The following HNRNPC variants were observed in gnomAD, a reference collection of about 807,000 sequenced individuals.
HNRNPC encodes heterogeneous nuclear ribonucleoprotein C.
In HNRNPC, 3 loss-of-function variants were observed where a neutral mutation model predicts 33.2. The observed-to-expected ratio is 0.09, with a 90% CI of 0.04 to 0.23. The LOEUF is 0.23. Ranked by LOEUF, HNRNPC falls within the 10% of genes least tolerant of loss-of-function variation. The pLI is 1.00. For missense variants in HNRNPC, 143 were observed against 366.7 expected (o/e 0.39, Z 4.98); for synonymous variants, 121 against 126.7 (o/e 0.96, Z 0.30).
intron 2 of HNRNPC, among the ~76,000 whole-genome samples, chr14:21,244,546 T>A (rs1392836907): frequency 6.6e-6 from 1 of 152,234 alleles, no homozygotes; most frequent in Non-Finnish European, 1.5e-5. Context: ...TCTAATGATA[T>A]ACGATTCTAA....
chr14:21,235,825 T>A (rs368550231), intron 2 of HNRNPC, among the ~76,000 whole-genome samples: 2 of 152,030 alleles, frequency 1.3e-5, no homozygotes, highest in African/African-American at 4.8e-5. Context: ...GGTTTATCAA[T>A]AGAAAATATA....
chr14:21,250,352 T>C (rs796229776), intron 2 of HNRNPC, among the ~76,000 whole-genome samples: 5 of 152,262 alleles, frequency 3.3e-5, no homozygotes, highest in African/African-American at 1.2e-4. Context: ...AAATGAAACA[T>C]GGCAATCCTG....
intron 1 of HNRNPC, chr14:21,264,412 G>A (rs1204867649): frequency 1.3e-5 from 2 of 152,000 alleles, no homozygotes; most frequent in Admixed American, 1.3e-4. Flanking sequence ...CTGACAAAAC[G>A]AAAATACAGA....
chr14:21,257,437 G>A (rs1340796277), intron 2 of HNRNPC, among the ~76,000 whole-genome samples: 1 of 151,914 alleles, frequency 6.6e-6, no homozygotes, highest in Admixed American at 6.6e-5. Flanking sequence ...GAACCAACAG[G>A]TCAAGTGAGA....
chr14:21,237,781 T>A (rs947547412), intron 2 of HNRNPC, among the ~76,000 whole-genome samples: 11 of 152,222 alleles, frequency 7.2e-5, no homozygotes, highest in South Asian at 2.1e-4. Context: ...ATTTTTTTTT[T>A]AATTTTTTTG....
chr14:21,242,565 C>T (rs576027633), intron 2 of HNRNPC, among the ~76,000 whole-genome samples: 11 of 152,182 alleles, frequency 7.2e-5, no homozygotes, highest in South Asian at 2.1e-4. Context: ...AGAGTACTGT[C>T]GATGTATGCT....
chr14:21,213,523 T>A (rs1163444152), intron 5 of HNRNPC: 1 of 162,956 alleles, frequency 6.1e-6, no homozygotes, highest in Non-Finnish European at 1.3e-5. Context: ...CAAATACTCT[T>A]TAAAATGTTC....
At chr14:21,234,385 T>C (rs763528820) in intron 2 of HNRNPC, 156 bp from the exon 3 acceptor site, 4 of 567,890 alleles carry the variant, frequency 7.0e-6, no homozygotes, top group Non-Finnish European at 1.2e-5. Context: ...TGCTAATAAT[T>C]TCAGAGACTC....
At chr14:21,268,883 T>G (rs770840912) in intron 1 of HNRNPC, among the ~76,000 whole-genome samples, 2 of 152,244 alleles carry the variant, frequency 1.3e-5, no homozygotes, top group South Asian at 2.1e-4. Context: ...ATACATCTAC[T>G]TGGTAACCTT....
At chr14:21,234,963 C>A (rs4982433) in intron 2 of HNRNPC, 1 of 151,648 alleles carries the variant, frequency 6.6e-6, no homozygotes, top group Non-Finnish European at 1.5e-5. Context: ...TTAATAATAT[C>A]GGATGGTGAT....
Position 21,213,070 on chromosome 14 carries a change from C to T in HNRNPC, c.413G>A (p.Arg138Gln), listed in dbSNP as rs1891792014. ...ARVPPPPPIA[R>Q]AVVPSKRQRV... ...CTGACGTTTCGAGGGCACTACAGCC[C>T]GAGCAATAGGAGGAGGAGGAGGTAC... is the stretch of plus-strand genomic sequence containing the variant. The change falls in exon 6 of 9, where the codon CGG (arginine) becomes CAG (glutamine). Residue 138 changes from arginine to glutamine, a missense_variant. Around this residue, in one of 2 missense-constraint regions of HNRNPC, gnomAD observed 131 missense variants for 253.0 expected, o/e 0.52. Coordinates refer to ENST00000553300, the MANE Select transcript of HNRNPC (RefSeq NM_004500.4). The T allele has an allele frequency of 6.2e-7, 1 of 1,613,966 alleles. No homozygotes were observed. Among genetic ancestry groups the T allele is most frequent in the Non-Finnish European group, 8.5e-7 (1 of 1,179,936 alleles).
intron 2 of HNRNPC, among the ~76,000 whole-genome samples, chr14:21,253,888 TCC>T (rs1414395672): frequency 2.6e-5 from 4 of 151,278 alleles, no homozygotes; most frequent in African/African-American, 9.7e-5. Context: ...ACACGGTGAA[TCC>T]CCGTCTCTAC....
Position 21,234,235 on chromosome 14 carries a change from A to T in HNRNPC, c.-36-6T>A. On this transcript the variant is annotated splice_region_variant and splice_polypyrimidine_tract_variant and intron_variant, in intron 2 of 8. Coordinates refer to ENST00000553300, the MANE Select transcript of HNRNPC (RefSeq NM_004500.4). The stretch of plus-strand genomic sequence containing the variant: ...GTTTCTCACAAAGCCGAAAACTGTA[A>T]AGCAAAAAAAAGTATACAGGTGAAC... The T allele has an allele frequency of 1.9e-6, 3 of 1,547,872 alleles. No homozygotes were observed. Among genetic ancestry groups the T allele is most frequent in the Non-Finnish European group, 2.7e-6 (3 of 1,127,326 alleles).
At chr14:21,263,116 C>T (rs903391695) in intron 2 of HNRNPC, 195 bp downstream of exon 2, 3 of 151,978 alleles carry the variant, frequency 2.0e-5, no homozygotes, top group Middle Eastern at 3.4e-3. Context: ...ATCAGGAGGC[C>T]GGAGAAATTC....
chr14:21,250,620 A>G (rs1001756700), intron 2 of HNRNPC, among the ~76,000 whole-genome samples: 4 of 146,302 alleles, frequency 2.7e-5, no homozygotes, highest in South Asian at 2.1e-4. Context: ...GAAATTTTTA[A>G]TTCTGTTTGT....
chr14:21,220,904 TG>T (rs1435505854), intron 5 of HNRNPC, among the ~76,000 whole-genome samples: 1 of 151,198 alleles, frequency 6.6e-6, no homozygotes, highest in Non-Finnish European at 1.5e-5. Flanking sequence ...CTGGGCAACA[TG>T]GTGAAACCCC....
At chr14:21,243,655 T>C (rs545480343) in intron 2 of HNRNPC, among the ~76,000 whole-genome samples, 1 of 152,246 alleles carries the variant, frequency 6.6e-6, no homozygotes, top group Non-Finnish European at 1.5e-5. Context: ...TAGGCTCATA[T>C]GAAAATTCTC....
At chr14:21,259,044 A>G (rs746518995) in intron 2 of HNRNPC, among the ~76,000 whole-genome samples, 1 of 152,098 alleles carries the variant, frequency 6.6e-6, no homozygotes, top group Non-Finnish European at 1.5e-5. Context: ...CTTAAACAAG[A>G]CCCTCTAAGG....
intron 5 of HNRNPC, among the ~76,000 whole-genome samples, chr14:21,226,108 G>T (rs1893390649): frequency 6.6e-6 from 1 of 152,024 alleles, no homozygotes; most frequent in Admixed American, 6.5e-5. Flanking sequence ...ATGAAGTCAG[G>T]TGAGGAGTTT....
Sources: allele counts gnomAD v4.1 joint callset (sites outside exome capture counted in the v4.1 genomes callset), GRCh38; gene constraint gnomAD v4.1.1; regional missense constraint gnomAD v4.1.1; transcripts MANE v1.5; gene names NCBI Gene and HGNC (gene_info 2026-07-23, HGNC 2026-07-21).